NUSAP1: variants seen among roughly 807,000 people sequenced by gnomAD.
NUSAP1 encodes the protein nucleolar and spindle-associated protein 1.
Under a neutral mutation model 52.8 loss-of-function variants are expected in NUSAP1, and 32 were observed. That is an observed-to-expected ratio of 0.61 (90% CI 0.46 to 0.81). NUSAP1 has a LOEUF of 0.81. NUSAP1 is among the 40% of genes least tolerant of loss of function. The pLI, the probability that NUSAP1 is intolerant of heterozygous loss-of-function variation, is 0.00. For synonymous variants in NUSAP1, 195 were observed against 183.1 expected (o/e 1.06, Z -0.52); for missense variants, 499 against 522.3 (o/e 0.96, Z 0.43).
rs1244844998 is a variant in NUSAP1, at chr15:41,377,668, T to C, written c.1232+364T>C. On this transcript the variant is annotated intron_variant, in intron 10 of 10. Coordinates refer to ENST00000559596, the MANE Select transcript of NUSAP1 (RefSeq NM_016359.5). ...GAGCCGAGATCGCGCCACTGCACTC[T>C]AGCCTGCGTGACAGAGCCAGGCGCC... 3.2e-3 allele frequency among the ~76,000 whole-genome samples: 435 copies of C among 133,906 alleles called. 5 individuals carry two copies. The highest frequency in any genetic ancestry group is 8.3e-3 in the Admixed American group (103 of 12,364). The allele number at this position is 133,906 out of a possible 152,430, so 87.8% of individuals were successfully genotyped here.
In NUSAP1 at chr15:41,349,249, G is replaced by T. The variant is rs1768981391; in HGVS notation, c.306+8G>T. On this transcript the variant is annotated splice_region_variant and intron_variant, in intron 3 of 10. Coordinates refer to ENST00000559596, the MANE Select transcript of NUSAP1 (RefSeq NM_016359.5). ...GTGGACCCTGACTCACAGGTGAATGGAAATATACAAACTGAAAATAAACCA... is the reference window on the plus strand; with the variant it reads ...GTGGACCCTGACTCACAGGTGAATGTAAATATACAAACTGAAAATAAACCA... 1.9e-6 allele frequency: 3 copies of T among 1,604,390 alleles called. No individual in the cohort carries two copies. Among genetic ancestry groups the T allele is most frequent in the Non-Finnish European group, 2.6e-6 (3 of 1,175,822 alleles).
intron 7 of NUSAP1, among the ~76,000 whole-genome samples, chr15:41,371,084 C>G (rs57550710): frequency 0.011 from 1,630 of 152,314 alleles, 27 homozygotes; most frequent in African/African-American, 0.038. Context: ...GGGCTTATTT[C>G]TCTACCACAC....
intron 8 of NUSAP1, among the ~76,000 whole-genome samples, chr15:41,374,803 T>C (rs2049852153): frequency 6.6e-6 from 1 of 151,656 alleles, no homozygotes; most frequent in East Asian, 1.9e-4. Context: ...GGGATTACAG[T>C]CGTGAGCCAC....
At chr15:41,336,652 T>TG (rs2048151469) in intron 1 of NUSAP1, among the ~76,000 whole-genome samples, 1 of 142,872 alleles carries the variant, frequency 7.0e-6, no homozygotes, top group Non-Finnish European at 1.5e-5. Context: ...CTTTTGGTTT[T>TG]TTTTTTTTTT....
intron 2 of NUSAP1, among the ~76,000 whole-genome samples, chr15:41,346,826 CAAAAATAAATAAATAAATAAATAAA>C (rs1391976847): frequency 6.2e-5 from 8 of 129,892 alleles, no homozygotes; most frequent in African/African-American, 2.3e-4. Context: ...GACCCCGTCT[CAAAAATAAATAAATAAATAAATAAA>C]TAAATAAATA....
chr15:41,377,176 TTGTCTC>T lies in NUSAP1; in HGVS notation c.1124-15_1124-10del. On this transcript the variant is annotated splice_polypyrimidine_tract_variant and intron_variant, in intron 9 of 10. Coordinates refer to ENST00000559596, the MANE Select transcript of NUSAP1 (RefSeq NM_016359.5). ...AATCAAACAATCTTTTTAAAATTCT[TTGTCTC>T]TGTCCTAAACTAGGAAAGCTAAAAC... The T allele has an allele frequency of 3.2e-6, 4 of 1,243,734 alleles. No individual in the cohort carries two copies. The highest frequency in any genetic ancestry group is 4.5e-6 in the Non-Finnish European group (4 of 886,694). The allele number at this position is 1,243,734 out of a possible 1,614,324, so 77.0% of individuals were successfully genotyped here.
At chr15:41,333,116 G>T (rs1469692370) in intron 1 of NUSAP1, 66 bp downstream of exon 1, 19 of 1,257,092 alleles carry the variant, frequency 1.5e-5, no homozygotes, top group Non-Finnish European at 2.2e-5. Context: ...GGGAGATGCG[G>T]TGCGAAGGGA....
At position 41,371,561 on chromosome 15, in the gene NUSAP1, C is replaced by A; in HGVS notation, c.883C>A (p.Arg295Ser). Residue 295 changes from arginine to serine, a missense_variant, in exon 8 of 11, where the codon CGT becomes AGT. Transcript: ENST00000559596. ...TGCTACTAAAGATAATGAGCATAAG[C>A]GTTCACTGACCAAGACTCCAGCCAG... ...SAATKDNEHK[R>S]SLTKTPARKS... is the part of the protein sequence containing the mutation. 6.2e-7 allele frequency: 1 copy of A among 1,609,020 alleles called. No individual in the cohort carries two copies. The highest frequency in any genetic ancestry group is 8.5e-7 in the Non-Finnish European group (1 of 1,178,632).
intron 7 of NUSAP1, among the ~76,000 whole-genome samples, chr15:41,366,597 T>C (rs780419006): frequency 1.4e-4 from 21 of 152,206 alleles, no homozygotes; most frequent in Non-Finnish European, 2.9e-4. Flanking sequence ...CAGGTATATG[T>C]ACCTCTTAAA....
intron 1 of NUSAP1, among the ~76,000 whole-genome samples, chr15:41,339,469 G>A (rs1331369225): frequency 2.0e-5 from 3 of 149,616 alleles, no homozygotes; most frequent in East Asian, 2.0e-4. Flanking sequence ...AGAATGCAAC[G>A]GCATGATCTC....
chr15:41,356,354 CT>C (rs398026995), intron 5 of NUSAP1, among the ~76,000 whole-genome samples: 40 of 124,638 alleles, frequency 3.2e-4, no homozygotes, highest in Admixed American at 5.4e-4. Context: ...CTATTTCTTT[CT>C]TTTTTTTTTT....
intron 2 of NUSAP1, among the ~76,000 whole-genome samples, chr15:41,346,828 AAAATAAAT>A (rs71431808): frequency 0.28 from 35,912 of 129,754 alleles, 4,910 homozygotes; most frequent in Middle Eastern, 0.31. Context: ...CCCCGTCTCA[AAAATAAAT>A]AAATAAATAA....
At chr15:41,377,797 C>T (rs542230025) in intron 10 of NUSAP1, among the ~76,000 whole-genome samples, 51 of 149,700 alleles carry the variant, frequency 3.4e-4, no homozygotes, top group Admixed American at 1.2e-3. Context: ...GAGGTCAGAT[C>T]GAGACCATCC....
At chr15:41,347,708 A>G (rs2048627903) in intron 2 of NUSAP1, among the ~76,000 whole-genome samples, 1 of 151,600 alleles carries the variant, frequency 6.6e-6, no homozygotes, top group African/African-American at 2.4e-5. Context: ...CAACTACTCA[A>G]GAGGCTGAGG....
intron 7 of NUSAP1, among the ~76,000 whole-genome samples, chr15:41,366,118 C>A (rs186899504): frequency 1.9e-4 from 29 of 152,028 alleles, no homozygotes; most frequent in African/African-American, 7.0e-4. Flanking sequence ...TATTTAGTAT[C>A]CTCCTTCTAG....
intron 2 of NUSAP1, among the ~76,000 whole-genome samples, chr15:41,346,089 C>T (rs1276630826): frequency 6.6e-6 from 1 of 151,132 alleles, no homozygotes; most frequent in Non-Finnish European, 1.5e-5. Flanking sequence ...TACAGATGCA[C>T]ACCACCATGC....
At chr15:41,376,221 C>A (rs897438105) in intron 9 of NUSAP1, among the ~76,000 whole-genome samples, 1 of 150,918 alleles carries the variant, frequency 6.6e-6, no homozygotes, top group African/African-American at 2.4e-5. Context: ...CATGGTGAAA[C>A]CCCGTCTCTT....
intron 10 of NUSAP1, 43 bp from the exon 11 acceptor site, chr15:41,380,050 T>G (rs1176040808): frequency 7.0e-7 from 1 of 1,431,630 alleles, no homozygotes; most frequent in Admixed American, 2.3e-5. Context: ...AGTATCTGTT[T>G]TGGAGCCTCC....
chr15:41,367,665 A>C (rs1272541831), intron 7 of NUSAP1, among the ~76,000 whole-genome samples: 7 of 151,596 alleles, frequency 4.6e-5, no homozygotes, highest in Non-Finnish European at 1.0e-4. Context: ...GGGTATTATT[A>C]GACTTGGGTA....
Sources: allele counts gnomAD v4.1 joint callset (sites outside exome capture counted in the v4.1 genomes callset), GRCh38; gene constraint gnomAD v4.1.1; transcripts MANE v1.5; gene names NCBI Gene and HGNC (gene_info 2026-07-23, HGNC 2026-07-21).